The following PIP5K1B variants were observed in gnomAD, a reference collection of about 807,000 sequenced individuals.
PIP5K1B encodes the protein phosphatidylinositol 4-phosphate 5-kinase type-1 beta.
In PIP5K1B, 42 loss-of-function variants were observed where a neutral mutation model predicts 67.0. The observed-to-expected ratio is 0.63, with a 90% CI of 0.49 to 0.81. The LOEUF is 0.81. Among genes scored for constraint, PIP5K1B ranks in the 30% least tolerant of loss-of-function variants. PIP5K1B has a pLI of 0.00. For missense variants in PIP5K1B, 459 were observed against 646.3 expected (o/e 0.71, Z 3.14); for synonymous variants, 214 against 231.4 (o/e 0.92, Z 0.68).
intron 1 of PIP5K1B, among the ~76,000 whole-genome samples, chr9:68,708,768 C>T (rs2132230377): frequency 6.6e-6 from 1 of 152,230 alleles, no homozygotes; most frequent in South Asian, 2.1e-4. Context: ...TTTTAACAAT[C>T]TTCTCTTTCT....
chr9:68,852,474 A>AC (rs1221073927), intron 4 of PIP5K1B, among the ~76,000 whole-genome samples: 1 of 152,126 alleles, frequency 6.6e-6, no homozygotes. Flanking sequence ...ACCGAGTCAA[A>AC]CCCTTAAGGA....
At chr9:68,897,581 C>G (rs1482073249) in intron 8 of PIP5K1B, among the ~76,000 whole-genome samples, 2 of 152,062 alleles carry the variant, frequency 1.3e-5, no homozygotes, top group Admixed American at 1.3e-4. Context: ...GGTTTTGGGG[C>G]AGTTAATAGG....
intron 2 of PIP5K1B, among the ~76,000 whole-genome samples, chr9:68,770,673 T>C (rs192887718): frequency 6.6e-6 from 1 of 152,272 alleles, no homozygotes; most frequent in East Asian, 1.9e-4. Context: ...TACTGTGAAC[T>C]GTGCATGTGA....
intron 2 of PIP5K1B, among the ~76,000 whole-genome samples, chr9:68,765,553 A>T (rs1371410862): frequency 6.6e-6 from 1 of 152,076 alleles, no homozygotes; most frequent in Non-Finnish European, 1.5e-5. Context: ...TTTTCTTTTA[A>T]CATAAATTCT....
chr9:68,836,098 T>A (rs1211345170), intron 4 of PIP5K1B, among the ~76,000 whole-genome samples: 1 of 152,122 alleles, frequency 6.6e-6, no homozygotes, highest in Non-Finnish European at 1.5e-5. Flanking sequence ...TTGAAGACAG[T>A]AGGGTAAGGG....
chr9:68,921,311 T>C (rs1384202368), intron 11 of PIP5K1B, among the ~76,000 whole-genome samples: 1 of 150,120 alleles, frequency 6.7e-6, no homozygotes, highest in Non-Finnish European at 1.5e-5. Context: ...AATTTTTTAA[T>C]TAAAAAAAAA....
chr9:68,969,285 G>A (rs1021338995), intron 14 of PIP5K1B, among the ~76,000 whole-genome samples: 4 of 150,720 alleles, frequency 2.7e-5, no homozygotes, highest in Non-Finnish European at 4.4e-5. Flanking sequence ...GGAGAATGGC[G>A]TGAACCCAGG....
intron 14 of PIP5K1B, among the ~76,000 whole-genome samples, chr9:68,987,557 A>G (rs994975976): frequency 6.6e-6 from 1 of 152,206 alleles, no homozygotes; most frequent in Admixed American, 6.6e-5. Context: ...GCGAGACTCC[A>G]TCTCAAAATA....
At chr9:68,845,459 C>T (rs190718416) in intron 4 of PIP5K1B, among the ~76,000 whole-genome samples, 66 of 152,228 alleles carry the variant, frequency 4.3e-4, no homozygotes, top group Middle Eastern at 3.4e-3. Flanking sequence ...GCATCTCTTC[C>T]GAAGACCTTA....
intron 2 of PIP5K1B, among the ~76,000 whole-genome samples, chr9:68,742,896 T>A (rs1432285935): frequency 1.3e-5 from 2 of 152,174 alleles, no homozygotes. Flanking sequence ...CTCAAAATGG[T>A]CTGTAGAGAA....
chr9:68,929,023 C>A (rs1056566328), intron 12 of PIP5K1B, among the ~76,000 whole-genome samples: 1 of 152,070 alleles, frequency 6.6e-6, no homozygotes, highest in East Asian at 1.9e-4. Flanking sequence ...ATTAGCCAGA[C>A]GTGCTGGCAC....
At chr9:68,774,496 C>T (rs1212679605) in intron 2 of PIP5K1B, among the ~76,000 whole-genome samples, 1 of 152,176 alleles carries the variant, frequency 6.6e-6, no homozygotes. Flanking sequence ...CATTTACATT[C>T]CATGCTGTTT....
At chr9:68,726,042 G>A (rs1259854186) in intron 1 of PIP5K1B, among the ~76,000 whole-genome samples, 1 of 152,112 alleles carries the variant, frequency 6.6e-6, no homozygotes, top group African/African-American at 2.4e-5. Flanking sequence ...GAATCTTTCA[G>A]TTTGTTTGAC....
chr9:68,984,582 A>C (rs888754892), intron 14 of PIP5K1B, among the ~76,000 whole-genome samples: 3 of 152,198 alleles, frequency 2.0e-5, no homozygotes, highest in African/African-American at 7.2e-5. Flanking sequence ...AAATTCTTTT[A>C]TATGTATAAT....
intron 14 of PIP5K1B, among the ~76,000 whole-genome samples, chr9:68,985,044 A>G (rs576336592): frequency 3.3e-5 from 5 of 152,304 alleles, no homozygotes; most frequent in African/African-American, 1.2e-4. Flanking sequence ...GTATGAGTGT[A>G]ACAGGCTGGG....
chr9:68,931,518 A>G (rs1826996407), intron 12 of PIP5K1B, among the ~76,000 whole-genome samples: 1 of 152,206 alleles, frequency 6.6e-6, no homozygotes, highest in African/African-American at 2.4e-5. Flanking sequence ...ATATGCTACT[A>G]TGGGTACGCG....
At chr9:68,920,803 TACACACACAC>T (rs59573461) in intron 11 of PIP5K1B, among the ~76,000 whole-genome samples, 1 of 141,434 alleles carries the variant, frequency 7.1e-6, no homozygotes, top group Non-Finnish European at 1.5e-5. Context: ...TACACACACA[TACACACACAC>T]ACACACACAC....
At chr9:68,711,534 TTATA>T (rs1340621182) in intron 1 of PIP5K1B, among the ~76,000 whole-genome samples, 1 of 152,228 alleles carries the variant, frequency 6.6e-6, no homozygotes, top group Non-Finnish European at 1.5e-5. Context: ...ACTGAACAAT[TTATA>T]TATCCAAATG....
intron 6 of PIP5K1B, 68 bp downstream of exon 6, chr9:68,876,862 G>A (rs1308775641): frequency 7.4e-6 from 6 of 807,482 alleles, no homozygotes; most frequent in Non-Finnish European, 1.3e-5. Flanking sequence ...CATAGCAACA[G>A]CAACAAGTGG....
Sources: gnomAD v4.1 joint callset for allele counts (sites outside exome capture counted in the v4.1 genomes callset) on GRCh38, gnomAD v4.1.1 for gene constraint, MANE v1.5 for transcripts, NCBI Gene and HGNC (gene_info 2026-07-23, HGNC 2026-07-21) for gene names.